FILIP1L: variants seen among roughly 807,000 people sequenced by gnomAD.
FILIP1L encodes filamin A-interacting protein 1-like.
Under a neutral mutation model 96.6 loss-of-function variants are expected in FILIP1L, and 55 were observed. The ratio of observed to expected loss-of-function variants is 0.57; its 90% CI spans 0.46 to 0.71. FILIP1L has a LOEUF of 0.71. Among genes scored for constraint, FILIP1L ranks in the 30% least tolerant of loss-of-function variants. FILIP1L has a pLI of 0.00. For synonymous variants in FILIP1L, 467 were observed against 473.9 expected (o/e 0.99, Z 0.19); for missense variants, 1,304 against 1,321.2 (o/e 0.99, Z 0.20).
rs754626600 is a variant in FILIP1L, at chr3:99,849,122, A to T, written c.2554T>A (p.Ser852Thr). ...TTTCTGTTAACAGGACATGGAGTAG[A>T]CTGGCTGCATTTGAAGGACAGCACA... ...GSVLSFKCSQ[S>T]TPCPVNRKLW... The change falls in exon 5 of 6, where the codon TCT (serine) becomes ACT (threonine). Residue 852 changes from serine (S) to threonine (T), a missense_variant. Coordinates refer to ENST00000477258, the MANE Select transcript of FILIP1L (RefSeq NM_001387850.1). 1.2e-6 allele frequency: 2 copies of T among 1,614,082 alleles called. No individual in the cohort carries two copies. The highest frequency in any genetic ancestry group is 1.7e-4 in the Middle Eastern group (1 of 6,060).
chr3:100,092,100 CTG>C (rs1425801374), intron 1 of FILIP1L, among the ~76,000 whole-genome samples: 1 of 152,112 alleles, frequency 6.6e-6, no homozygotes, highest in African/African-American at 2.4e-5. Flanking sequence ...AAAATGTACT[CTG>C]TAAAGAATTT....
intron 4 of FILIP1L, among the ~76,000 whole-genome samples, chr3:99,890,797 G>A (rs2107614180): frequency 6.7e-6 from 1 of 150,196 alleles, no homozygotes; most frequent in South Asian, 2.1e-4. Flanking sequence ...TGAGGTCTTT[G>A]CAGCTCTGAT....
intron 1 of FILIP1L, among the ~76,000 whole-genome samples, chr3:100,000,182 C>A (rs1709802533): frequency 6.6e-6 from 1 of 152,298 alleles, no homozygotes; most frequent in African/African-American, 2.4e-5. Flanking sequence ...TTTCTTCCTG[C>A]CTTCTTCTGA....
At chr3:100,051,877 A>C (rs1356420329) in intron 1 of FILIP1L, among the ~76,000 whole-genome samples, 1 of 148,590 alleles carries the variant, frequency 6.7e-6, no homozygotes, top group Non-Finnish European at 1.5e-5. Flanking sequence ...AATTTAATGT[A>C]ATATATTTTA....
chr3:99,911,524 A>C (rs934974383), intron 4 of FILIP1L, among the ~76,000 whole-genome samples: 4 of 151,990 alleles, frequency 2.6e-5, no homozygotes, highest in Non-Finnish European at 5.9e-5. Flanking sequence ...AGGTTGTGGC[A>C]TACAGGGTCT....
intron 1 of FILIP1L, among the ~76,000 whole-genome samples, chr3:100,047,779 G>A (rs746070913): frequency 2.0e-5 from 3 of 152,064 alleles, no homozygotes; most frequent in Non-Finnish European, 2.9e-5. Context: ...AACTGACAGG[G>A]CATTCAGTGG....
intron 4 of FILIP1L, among the ~76,000 whole-genome samples, chr3:99,875,317 GATTA>G (rs1705456475): frequency 6.6e-6 from 1 of 152,118 alleles, no homozygotes; most frequent in South Asian, 2.1e-4. Flanking sequence ...AAATGTTACT[GATTA>G]ATACAGTTAC....
intron 1 of FILIP1L, among the ~76,000 whole-genome samples, chr3:99,992,287 A>G (rs1346767848): frequency 6.6e-6 from 1 of 152,052 alleles, no homozygotes; most frequent in Non-Finnish European, 1.5e-5. Flanking sequence ...ATTCCCATCA[A>G]CAGTATATAA....
chr3:100,078,626 C>G (rs2065885915), intron 1 of FILIP1L, among the ~76,000 whole-genome samples: 2 of 152,130 alleles, frequency 1.3e-5, no homozygotes, highest in Admixed American at 6.5e-5. Flanking sequence ...TGGTGGCTCG[C>G]TGGCCTGTAA....
At chr3:99,939,095 C>T (rs570167369) in intron 1 of FILIP1L, among the ~76,000 whole-genome samples, 2 of 152,330 alleles carry the variant, frequency 1.3e-5, no homozygotes, top group African/African-American at 4.8e-5. Flanking sequence ...GATTCAGGTT[C>T]ATATTCCCAA....
At chr3:100,037,148 A>G (rs933441437) in intron 1 of FILIP1L, among the ~76,000 whole-genome samples, 13 of 151,074 alleles carry the variant, frequency 8.6e-5, no homozygotes, top group Admixed American at 7.9e-4. Context: ...TGGGGATGAA[A>G]CATAATGTTG....
chr3:99,957,631 AG>A (rs1170506803), intron 1 of FILIP1L, among the ~76,000 whole-genome samples: 1 of 149,704 alleles, frequency 6.7e-6, no homozygotes, highest in Non-Finnish European at 1.5e-5. Flanking sequence ...TTCAGCCGTC[AG>A]ACTGGAAATT....
At chr3:99,897,970 A>G (rs1706312886) in intron 4 of FILIP1L, among the ~76,000 whole-genome samples, 1 of 152,194 alleles carries the variant, frequency 6.6e-6, no homozygotes, top group South Asian at 2.1e-4. Flanking sequence ...TTAAGAAAAG[A>G]TATCCTACCT....
At chr3:100,042,508 T>C (rs559639550) in intron 1 of FILIP1L, among the ~76,000 whole-genome samples, 4 of 152,310 alleles carry the variant, frequency 2.6e-5, no homozygotes, top group African/African-American at 9.6e-5. Flanking sequence ...ACAAATCATA[T>C]CAGGCTCTTG....
Position 99,895,240 on chromosome 3 carries a change from A to G in FILIP1L, c.605+28990T>C, listed in dbSNP as rs556420718. Reference sequence around the variant, plus strand: ...CTGTCTCAGGTTCAAGCATGATAGCATGTTCTTTTAGGCAACTTGCAGTCA... The same window carrying G: ...CTGTCTCAGGTTCAAGCATGATAGCGTGTTCTTTTAGGCAACTTGCAGTCA... On this transcript the variant is annotated intron_variant, in intron 4 of 5. Coordinates refer to ENST00000477258, the MANE Select transcript of FILIP1L (RefSeq NM_001387850.1). Among the ~76,000 whole-genome samples the G allele has an allele frequency of 3.3e-5, 5 of 152,284 alleles. No homozygotes were observed. In the East Asian group the frequency reaches 9.7e-4, roughly 29 times the overall value.
chr3:100,014,896 T>TTTTTTTTTTTTTTTTTTTTTTTTTTTC (rs1710290155), intron 1 of FILIP1L, among the ~76,000 whole-genome samples: 1 of 70,232 alleles, frequency 1.4e-5, no homozygotes, highest in African/African-American at 5.0e-5. Flanking sequence ...TCTTTCTTTC[T>TTTTTTTTTTTTTTTTTTTTTTTTTTTC]TTTTTTTTTT....
intron 4 of FILIP1L, among the ~76,000 whole-genome samples, chr3:99,884,438 A>G (rs1424462616): frequency 6.6e-6 from 1 of 152,182 alleles, no homozygotes; most frequent in Non-Finnish European, 1.5e-5. Flanking sequence ...TTTAAGTTTC[A>G]TAGCTCAAAT....
intron 4 of FILIP1L, among the ~76,000 whole-genome samples, chr3:99,881,801 G>C (rs1044513571): frequency 1.3e-5 from 2 of 152,080 alleles, no homozygotes; most frequent in African/African-American, 4.8e-5. Flanking sequence ...CCAAAGTGCT[G>C]GGATTATAGG....
chr3:100,021,952 TGTGTGTGTGAGA>T lies in FILIP1L; in HGVS notation c.-10-90934_-10-90923del, dbSNP rs1399535667. ...GTGTGTGTGTGTGTGTGTGTGTGTG[TGTGTGTGTGAGA>T]GAGAGAGAGAGAGAGAGAGAGAGAG... On this transcript the variant is annotated intron_variant, in intron 1 of 5. Coordinates refer to ENST00000477258, the MANE Select transcript of FILIP1L (RefSeq NM_001387850.1). Among the ~76,000 whole-genome samples the T allele has an allele frequency of 6.8e-4, 76 of 111,512 alleles. 1 individual carries two copies. The highest frequency in any genetic ancestry group is 4.4e-3 in the South Asian group (14 of 3,174). The allele number at this position is 111,512 out of a possible 152,430, so 73.2% of individuals were successfully genotyped here. A position where few individuals can be genotyped will look rare whatever the true frequency, so the allele number is the denominator to read the frequency against.
Sources: gnomAD v4.1 joint callset for allele counts (sites outside exome capture counted in the v4.1 genomes callset) on GRCh38, gnomAD v4.1.1 for gene constraint, MANE v1.5 for transcripts, NCBI Gene and HGNC (gene_info 2026-07-23, HGNC 2026-07-21) for gene names.